Variants in PREX1 observed in about 807,000 individuals in gnomAD.
PREX1 encodes phosphatidylinositol 3,4,5-trisphosphate-dependent Rac exchanger 1 protein.
PREX1 carries 41 observed loss-of-function variants against 198.3 expected under a neutral mutation model. That is an observed-to-expected ratio of 0.21 (90% CI 0.16 to 0.27). The LOEUF (loss-of-function observed/expected upper bound fraction) is 0.27, where lower values mean the gene tolerates loss of function less well. Among genes scored for constraint, PREX1 ranks in the 10% least tolerant of loss-of-function variants. The pLI, the probability that PREX1 is intolerant of heterozygous loss-of-function variation, is 1.00. For synonymous variants in PREX1, 843 were observed against 887.2 expected, an observed-to-expected ratio of 0.95 and a Z score of 0.89; for missense variants, 1,620 against 2,200.7, an observed-to-expected ratio of 0.74 and a Z score of 5.28.
intron 11 of PREX1, 30 bp from the exon 12 acceptor site, chr20:48,679,784 G>C (rs149008213): frequency 1.3e-6 from 2 of 1,556,656 alleles, no homozygotes; most frequent in African/African-American, 2.7e-5. Context: ...TGTGACGCTG[G>C]GCACGCCCCC....
At chr20:48,792,815 A>ATACACACACAC (rs758333598) in intron 1 of PREX1, among the ~76,000 whole-genome samples, 387 of 75,818 alleles carry the variant, frequency 5.1e-3, no homozygotes, top group Non-Finnish European at 7.1e-3. Context: ...AAAAAAAAAA[A>ATACACACACAC]ATACACACAC....
At chr20:48,781,892 T>C (rs1405983195) in intron 1 of PREX1, among the ~76,000 whole-genome samples, 2 of 152,216 alleles carry the variant, frequency 1.3e-5, no homozygotes, top group African/African-American at 4.8e-5. Context: ...TTCCAACAAT[T>C]GAACCTTGGG....
chr20:48,687,121 T>A (rs929118161), intron 10 of PREX1, among the ~76,000 whole-genome samples: 1 of 152,212 alleles, frequency 6.6e-6, no homozygotes, highest in African/African-American at 2.4e-5. Context: ...CCCTTCAGGT[T>A]CCCCTGCACA....
intron 15 of PREX1, among the ~76,000 whole-genome samples, chr20:48,661,435 AAAAAAAAAAAT>A (rs1376199535): frequency 1.8e-5 from 2 of 108,670 alleles, no homozygotes; most frequent in African/African-American, 5.2e-5. Context: ...AAAAAAAAAA[AAAAAAAAAAAT>A]ATATATATAT....
intron 1 of PREX1, among the ~76,000 whole-genome samples, chr20:48,814,197 T>G (rs2090449414): frequency 6.6e-6 from 1 of 152,252 alleles, no homozygotes; most frequent in Non-Finnish European, 1.5e-5. Context: ...CTTTTGCTCA[T>G]GCATTCATTT....
intron 6 of PREX1, among the ~76,000 whole-genome samples, chr20:48,705,709 G>A (rs1212953131): frequency 6.6e-6 from 1 of 152,184 alleles, no homozygotes; most frequent in Non-Finnish European, 1.5e-5. Context: ...AAGTCACCTT[G>A]AGGAACAAAC....
intron 11 of PREX1, among the ~76,000 whole-genome samples, chr20:48,680,676 T>C (rs1463260771): frequency 6.6e-6 from 1 of 151,686 alleles, no homozygotes; most frequent in Non-Finnish European, 1.5e-5. Context: ...CCTGGGTCCC[T>C]CCCTCACTGG....
intron 3 of PREX1, among the ~76,000 whole-genome samples, chr20:48,737,112 G>T (rs918492363): frequency 1.1e-4 from 16 of 147,342 alleles, no homozygotes; most frequent in Non-Finnish European, 1.3e-4. Flanking sequence ...TATTATTATT[G>T]CTTAATAATG....
chr20:48,707,423 C>T (rs1290107031), intron 6 of PREX1, among the ~76,000 whole-genome samples: 3 of 152,178 alleles, frequency 2.0e-5, no homozygotes, highest in Non-Finnish European at 2.9e-5. Context: ...GCAGCCAAAC[C>T]CGTAACCTCA....
At chr20:48,748,895 G>T (rs2090121589) in intron 1 of PREX1, among the ~76,000 whole-genome samples, 1 of 152,200 alleles carries the variant, frequency 6.6e-6, no homozygotes, top group Non-Finnish European at 1.5e-5. Context: ...GTTTTGAAGT[G>T]TTGGTGAAAA....
upstream of PREX1, among the ~76,000 whole-genome samples, chr20:48,830,747 A>T (rs1024592779): frequency 2.0e-5 from 3 of 152,238 alleles, no homozygotes; most frequent in African/African-American, 7.2e-5. Flanking sequence ...AACATACTTA[A>T]GCTCTCTGTG....
intron 1 of PREX1, chr20:48,822,102 A>T (rs1476916663): frequency 6.6e-6 from 1 of 151,924 alleles, no homozygotes; most frequent in African/African-American, 2.4e-5. Context: ...GCCATACATT[A>T]AAAAAAATGT....
chr20:48,668,827 G>A (rs963493877), intron 14 of PREX1, among the ~76,000 whole-genome samples: 2 of 152,306 alleles, frequency 1.3e-5, no homozygotes, highest in Non-Finnish European at 2.9e-5. Context: ...GTGAGGGGCC[G>A]GCAGTGGGGA....
intron 17 of PREX1, among the ~76,000 whole-genome samples, chr20:48,657,696 C>G (rs1014610515): frequency 2.0e-5 from 3 of 152,208 alleles, no homozygotes; most frequent in Non-Finnish European, 2.9e-5. Flanking sequence ...TGCATCTCCC[C>G]CACCCACCTG....
chr20:48,824,761 G>T (rs1489006500), intron 1 of PREX1, among the ~76,000 whole-genome samples: 1 of 152,030 alleles, frequency 6.6e-6, no homozygotes, highest in Non-Finnish European at 1.5e-5. Context: ...CTTGCACTTG[G>T]ATTGTTTTTT....
the PREX1 span, among the ~76,000 whole-genome samples, chr20:48,833,388 TAATAA>T: frequency 6.6e-6 from 1 of 151,950 alleles, no homozygotes; most frequent in Non-Finnish European, 1.5e-5. Flanking sequence ...TATTAAAAGA[TAATAA>T]AATGTATAAC....
At position 48,737,840 on chromosome 20, in the gene PREX1, C is replaced by T. The variant is rs1170438024; in HGVS notation, c.415-3190G>A. Among the ~76,000 whole-genome samples, 4 of 152,146 alleles carry T rather than the reference C, an allele frequency of 2.6e-5. No individual in the cohort carries two copies. The East Asian group carries it at 7.7e-4, about 29-fold the overall frequency. The stretch of plus-strand genomic sequence containing the variant: ...CAGCACTGCACAGATAAAAGCAGAG[C>T]CTGAGATCAGAGAAAGACCTGGTCC... On this transcript the variant is annotated intron_variant, in intron 3 of 39. Transcript: ENST00000371941.
the PREX1 span, among the ~76,000 whole-genome samples, chr20:48,834,005 C>T: frequency 3.3e-5 from 5 of 151,706 alleles, no homozygotes; most frequent in East Asian, 1.9e-4. Flanking sequence ...GGCGTGAACC[C>T]GGGAGGCGGA....
At chr20:48,702,206 T>TA (rs71184231) in intron 6 of PREX1, among the ~76,000 whole-genome samples, 33,564 of 122,612 alleles carry the variant, frequency 0.27, 5,496 homozygotes, top group African/African-American at 0.49. Flanking sequence ...GGACTCTGTC[T>TA]AAAAAAAAAA....
Sources: gnomAD v4.1 joint callset for allele counts (sites outside exome capture counted in the v4.1 genomes callset) on GRCh38, gnomAD v4.1.1 for gene constraint, MANE v1.5 for transcripts, NCBI Gene and HGNC (gene_info 2026-07-23, HGNC 2026-07-21) for gene names.